The following STAT3 variants were observed in gnomAD, a reference collection of about 807,000 sequenced individuals.
STAT3 encodes DNA-binding protein APRF.
Under a neutral mutation model 114.3 loss-of-function variants are expected in STAT3, and 7 were observed. The ratio of observed to expected loss-of-function variants is 0.06; its 90% CI spans 0.03 to 0.11. The LOEUF (loss-of-function observed/expected upper bound fraction) is 0.11, where lower values mean the gene tolerates loss of function less well. Among genes scored for constraint, STAT3 ranks in the 10% least tolerant of loss-of-function variants. The pLI is 1.00. For missense variants in STAT3, 364 were observed against 960.9 expected (o/e 0.38, Z 8.21); for synonymous variants, 331 against 354.5 (o/e 0.93, Z 0.74).
Position 42,324,689 on chromosome 17 carries a change from G to A in STAT3, c.1600+22C>T, listed in dbSNP as rs2144714283. 3 of 1,583,822 alleles carry A rather than the reference G, an allele frequency of 1.9e-6. No individual in the cohort carries two copies. The highest frequency in any genetic ancestry group is 2.6e-6 in the Non-Finnish European group (3 of 1,165,448). On this transcript the variant is annotated intron_variant, in intron 17 of 23. Transcript: ENST00000264657. This position sits in a 1 kb window ranked among gnomAD's most constrained non-coding sequence, Gnocchi z 4.5. ...CCTTTTCTGGGCGGGTGGGCGGGAG[G>A]GAGAAGGGGTGAAATGCGGACCCAA...
intron 1 of STAT3, among the ~76,000 whole-genome samples, chr17:42,354,113 C>T (rs1485882385): frequency 1.3e-5 from 2 of 150,250 alleles, no homozygotes; most frequent in Non-Finnish European, 3.0e-5. Flanking sequence ...TTGGTTGTTG[C>T]TGTTCTTATT....
chr17:42,323,542 A>G (rs2081573864), intron 18 of STAT3, 31 bp downstream of exon 18: 1 of 1,612,876 alleles, frequency 6.2e-7, no homozygotes, highest in South Asian at 1.1e-5. Flanking sequence ...GAGCATTCCC[A>G]TTCCCACGAG....
chr17:42,357,669 T>C (rs574992777), intron 1 of STAT3, among the ~76,000 whole-genome samples: 2 of 151,988 alleles, frequency 1.3e-5, no homozygotes, highest in Non-Finnish European at 1.5e-5. Context: ...CGAAACTCCA[T>C]CTCAAAAAAT....
intron 3 of STAT3, among the ~76,000 whole-genome samples, chr17:42,345,939 T>C (rs2082682620): frequency 6.8e-6 from 1 of 147,470 alleles, no homozygotes; most frequent in Non-Finnish European, 1.5e-5. Flanking sequence ...AGTGGCGCAA[T>C]CACGGCTTAT....
rs1376360615 is a variant in STAT3, at chr17:42,333,295, T to C, written c.1049+378A>G. Among the ~76,000 whole-genome samples, 1 of 152,076 alleles carries C rather than the reference T, an allele frequency of 6.6e-6. No individual in the cohort carries two copies. Among genetic ancestry groups the C allele is most frequent in the Non-Finnish European group, 1.5e-5 (1 of 68,016 alleles). ...TCACCCTACAGGCCCACCACCCACC[T>C]GCCCTGGGGCCTCTCAGCTTCCCCA... is the stretch of plus-strand genomic sequence containing the variant. On this transcript the variant is annotated intron_variant, in intron 10 of 23. Transcript: ENST00000264657. The surrounding 1 kb of genome is among the most constrained non-coding windows in gnomAD (Gnocchi z 5.2).
At chr17:42,380,490 T>A (rs2084723741) in intron 1 of STAT3, among the ~76,000 whole-genome samples, 1 of 151,930 alleles carries the variant, frequency 6.6e-6, no homozygotes. Context: ...GTTCAAGCGA[T>A]TATCCTGCCT....
chr17:42,382,732 C>T (rs541889560), intron 1 of STAT3, among the ~76,000 whole-genome samples: 1 of 152,036 alleles, frequency 6.6e-6, no homozygotes, highest in East Asian at 1.9e-4. Flanking sequence ...CTGCAAGCTC[C>T]GCCTCCAGGA....
At chr17:42,355,281 A>G (rs181258991) in intron 1 of STAT3, among the ~76,000 whole-genome samples, 52 of 152,306 alleles carry the variant, frequency 3.4e-4, no homozygotes, top group African/African-American at 1.3e-3. Context: ...ATTGGGCAAC[A>G]CTTCATTCAA....
At position 42,343,455 on chromosome 17, in the gene STAT3, CTTT is replaced by C. The variant is rs34846688; in HGVS notation, c.372+2101_372+2103del. Among the ~76,000 whole-genome samples, 215 of 99,128 alleles carry C rather than the reference CTTT, an allele frequency of 2.2e-3. 1 individual carries two copies. The highest frequency in any genetic ancestry group is 6.1e-3 in the African/African-American group (155 of 25,426). 65.0% of individuals were successfully genotyped at this position (99,128 alleles called of 152,430 possible). ...TTTTACTACTATGAATCAGATCTTT[CTTT>C]TTTTTTTTTTTTTTTTTTCAGTCGG... is the stretch of plus-strand genomic sequence containing the variant. On this transcript the variant is annotated intron_variant, in intron 4 of 23. Coordinates refer to ENST00000264657, the MANE Select transcript of STAT3 (RefSeq NM_139276.3).
chr17:42,363,600 T>C (rs1466973671), intron 1 of STAT3, among the ~76,000 whole-genome samples: 1 of 151,526 alleles, frequency 6.6e-6, no homozygotes, highest in East Asian at 1.9e-4. Flanking sequence ...CATGCCACCA[T>C]GTCTGGATAA....
At position 42,384,421 on chromosome 17, in the gene STAT3, C is replaced by T. The variant is rs540723007; in HGVS notation, c.-24+3858G>A. 4.6e-5 allele frequency among the ~76,000 whole-genome samples: 7 copies of T among 152,162 alleles called. No individual in the cohort carries two copies. In the East Asian group the frequency reaches 1.2e-3, roughly 25 times the overall value. On this transcript the variant is annotated intron_variant, in intron 1 of 23. Transcript: ENST00000264657. ...CTGGGATTACAGGCGTGAGCCACCG[C>T]GCCCGGCGCCCCGAAAGTTTTAAAA...
chr17:42,329,815 G>C (rs766999287), intron 11 of STAT3, 39 bp from the exon 12 acceptor site: 2 of 1,612,206 alleles, frequency 1.2e-6, no homozygotes, highest in Middle Eastern at 1.7e-4. Context: ...AATAGGCTCT[G>C]TGTTTCTTCA....
rs397857989 is a variant in STAT3 at position 42,313,379 on chromosome 17, C to CAAAAAA, written c.*2360_*2365dup. ...AGTTAAAGTAGATACAGCAATATAC[C>CAAAAAA]AAAAAAAAAAAAAAAAAAAAAAGAC... On this transcript the variant is annotated 3_prime_UTR_variant, in exon 24 of 24. Transcript: ENST00000264657. 3.5e-5 allele frequency: 3 copies of CAAAAAA among 86,320 alleles called. No individual in the cohort carries two copies. The highest frequency in any genetic ancestry group is 6.4e-5 in the Non-Finnish European group (3 of 46,706). The allele number at this position is 86,320 out of a possible 1,614,324, so 5.3% of individuals were successfully genotyped here.
chr17:42,353,601 GTCTC>G (rs1027366560), intron 1 of STAT3, among the ~76,000 whole-genome samples: 4 of 151,956 alleles, frequency 2.6e-5, no homozygotes, highest in African/African-American at 9.7e-5. Context: ...TTGAGACAGG[GTCTC>G]TCTCTGTCAC....
At chr17:42,326,278 C>G (rs1337249746) in intron 14 of STAT3, 79 bp from the exon 15 acceptor site, 2 of 1,333,404 alleles carry the variant, frequency 1.5e-6, no homozygotes, top group East Asian at 2.3e-5. Flanking sequence ...GAGGCCAAGG[C>G]AGGAGGATTG....
In STAT3 at chr17:42,337,615, A is replaced by AAG. The variant is rs771088503; in HGVS notation, c.646-30_646-29insCT. 1.9e-5 allele frequency: 31 copies of AAG among 1,614,036 alleles called. No homozygotes were observed. The highest frequency in any genetic ancestry group is 2.6e-5 in the Non-Finnish European group (31 of 1,180,030). ...GTTGGAAACCAAAACAAAGTCAGAA[A>AAG]ACATTTCCTCAGACTGTCTCTAACC... On this transcript the variant is annotated intron_variant, in intron 7 of 23. Transcript: ENST00000264657. This position sits in a 1 kb window ranked among gnomAD's most constrained non-coding sequence, Gnocchi z 4.0.
At chr17:42,367,212 G>T (rs1317188116) in intron 1 of STAT3, among the ~76,000 whole-genome samples, 1 of 151,988 alleles carries the variant, frequency 6.6e-6, no homozygotes, top group East Asian at 1.9e-4. Flanking sequence ...GGTGGCCCAA[G>T]CCTGTAATCC....
rs2081190115 is a variant in STAT3 at position 42,314,770 on chromosome 17, C to T, written c.*975G>A. The T allele has an allele frequency of 4.7e-6, 1 of 214,888 alleles. No individual in the cohort carries two copies. The highest frequency in any genetic ancestry group is 9.4e-6 in the Non-Finnish European group (1 of 106,368). The allele number at this position is 214,888 out of a possible 1,614,324, so 13.3% of individuals were successfully genotyped here. A position where few individuals can be genotyped will look rare whatever the true frequency, so the allele number is the denominator to read the frequency against. On this transcript the variant is annotated 3_prime_UTR_variant, in exon 24 of 24. Transcript: ENST00000264657. ...GATGTCTTAAGGGTTTGACCTGAAG[C>T]CCGTTTCAGGGATTATATAAATTAC...
intron 1 of STAT3, among the ~76,000 whole-genome samples, chr17:42,373,354 AAAAAG>A (rs1297982668): frequency 9.9e-5 from 15 of 151,468 alleles, no homozygotes; most frequent in Admixed American, 4.0e-4. Flanking sequence ...CCATCTCAAA[AAAAAG>A]AAAAGAAAAG....
Sources: allele counts gnomAD v4.1 joint callset (sites outside exome capture counted in the v4.1 genomes callset), GRCh38; gene constraint gnomAD v4.1.1; non-coding constraint Gnocchi (gnomAD v3.1); transcripts MANE v1.5; gene names NCBI Gene and HGNC (gene_info 2026-07-23, HGNC 2026-07-21).